CUL4B: variants seen among roughly 807,000 people sequenced by gnomAD.
CUL4B encodes cullin-4B.
A neutral mutation model predicts 69.2 loss-of-function variants in CUL4B; 1 was observed. The ratio of observed to expected loss-of-function variants is 0.01; its 90% CI spans 0.01 to 0.07. The LOEUF (loss-of-function observed/expected upper bound fraction) is 0.07. Among genes scored for constraint, CUL4B ranks in the 10% least tolerant of loss-of-function variants. The pLI is 1.00. For synonymous variants in CUL4B, 237 were observed against 223.2 expected (o/e 1.06, Z -0.55); for missense variants, 328 against 638.8 (o/e 0.51, Z 5.24).
intron 2 of CUL4B, among the ~76,000 whole-genome samples, chrX:120,551,011 G>C (rs1201697119): frequency 2.7e-5 from 3 of 111,402 alleles, no homozygotes; most frequent in Non-Finnish European, 3.8e-5. Context: ...GGAGGATGGG[G>C]TGGAAGTGAG....
At chrX:120,561,565 G>A (rs1450324500), upstream of CUL4B, 1 of 297,137 alleles carries the variant, frequency 3.4e-6, no homozygotes, top group Non-Finnish European at 5.8e-6. Flanking sequence ...GGTGGGGGGG[G>A]TGGCGGGAGG....
At chrX:120,555,891 G>A (rs983248363) in intron 2 of CUL4B, among the ~76,000 whole-genome samples, 1 of 98,544 alleles carries the variant, frequency 1.0e-5, no homozygotes, top group Non-Finnish European at 2.0e-5. Context: ...GCAGTGAGCC[G>A]AGATCACGCC....
chrX:120,567,615 G>A (rs189572526), downstream of CUL4B, among the ~76,000 whole-genome samples: 247 of 107,852 alleles, frequency 2.3e-3, 1 homozygote, highest in Middle Eastern at 0.019. Flanking sequence ...GCTCATGCCT[G>A]TGCCTGTAAT....
intron 15 of CUL4B, 150 bp from the exon 16 acceptor site, chrX:120,536,093 TC>T: frequency 2.1e-6 from 1 of 473,319 alleles, no homozygotes; most frequent in Non-Finnish European, 3.8e-6. Flanking sequence ...AACAATGATC[TC>T]CCAACCACCA....
upstream of CUL4B, chrX:120,561,588 C>T (rs1458072750): frequency 3.0e-5 from 9 of 303,722 alleles, no homozygotes; most frequent in Non-Finnish European, 5.1e-5. Context: ...CGGGAAGGAG[C>T]CTCGGGGGAG....
At chrX:120,563,174 G>C (rs1222555538), upstream of CUL4B, among the ~76,000 whole-genome samples, 1 of 112,013 alleles carries the variant, frequency 8.9e-6, no homozygotes, top group East Asian at 2.8e-4. Context: ...GGAGATGGGG[G>C]CCTGAAAGGA....
downstream of CUL4B, among the ~76,000 whole-genome samples, chrX:120,570,909 T>C (rs1257429866): frequency 9.1e-6 from 1 of 110,045 alleles, no homozygotes; most frequent in East Asian, 2.8e-4. Context: ...AGAAGGAAAA[T>C]AGCTGGGTGA....
chrX:120,534,457 G>A (rs1391643802), intron 17 of CUL4B, 24 bp downstream of exon 17: 3 of 1,013,101 alleles, frequency 3.0e-6, no homozygotes, highest in Non-Finnish European at 4.2e-6. Context: ...TGCACATAGT[G>A]AACAATTAAT....
intron 2 of CUL4B, among the ~76,000 whole-genome samples, chrX:120,555,718 G>A (rs945365959): frequency 9.1e-6 from 1 of 109,647 alleles, no homozygotes; most frequent in African/African-American, 3.3e-5. Flanking sequence ...GAGGCGGGTG[G>A]ATCACTTGAG....
chrX:120,528,168 A>G (rs1385441932), intron 19 of CUL4B, among the ~76,000 whole-genome samples: 1 of 110,909 alleles, frequency 9.0e-6, no homozygotes, highest in Admixed American at 9.6e-5. Flanking sequence ...GCACTTTGGG[A>G]GGCTAAGATG....
At chrX:120,537,897 A>ATTTTAT (rs765416325) in intron 14 of CUL4B, among the ~76,000 whole-genome samples, 135 of 111,998 alleles carry the variant, frequency 1.2e-3, no homozygotes, top group African/African-American at 4.2e-3. Flanking sequence ...AGTTCAATAC[A>ATTTTAT]TTTTATTTTT....
chrX:120,546,365 A>G (rs991847424), intron 4 of CUL4B, among the ~76,000 whole-genome samples, 182 bp downstream of exon 4: 1 of 110,320 alleles, frequency 9.1e-6, no homozygotes, highest in African/African-American at 3.3e-5. Flanking sequence ...CTGTACCCCA[A>G]TAACTTACGG....
At position 120,549,418 on chromosome X, in the gene CUL4B, G is replaced by A. The variant is rs192802101; in HGVS notation, c.673-2179C>T. 4.7e-3 allele frequency among the ~76,000 whole-genome samples: 527 copies of A among 111,388 alleles called. 2 individuals are homozygous for A. The highest frequency in any genetic ancestry group is 0.016 in the African/African-American group (494 of 30,653). On this transcript the variant is annotated intron_variant, in intron 2 of 19. Coordinates refer to ENST00000371322, the MANE Select transcript of CUL4B (RefSeq NM_001079872.2). ...AATACAAAAATTAGCCGGGTGTGGT[G>A]GTGTGCACCAGCTACTCGGGAGGCT...
At chrX:120,542,575 G>C (rs963916797) in intron 9 of CUL4B, among the ~76,000 whole-genome samples, 1 of 111,413 alleles carries the variant, frequency 9.0e-6, no homozygotes, top group African/African-American at 3.3e-5. Flanking sequence ...CTTACTGAAA[G>C]CTTACATATT....
chrX:120,561,442 G>T (rs367762561), upstream of CUL4B: 210 of 483,656 alleles, frequency 4.3e-4, 1 homozygote, highest in South Asian at 1.4e-3. Context: ...GGACTTGAGT[G>T]GGGGGGGGAA....
chrX:120,560,860 G>C lies in CUL4B; in HGVS notation c.-222C>G. ...CACCAGGAGTGAGCAGAACGAGGGG[G>C]GAGAGCGAATGAGGAGGCAGACAGG... On this transcript the variant is annotated 5_prime_UTR_variant, in exon 1 of 20. Coordinates refer to ENST00000371322, the MANE Select transcript of CUL4B (RefSeq NM_001079872.2). 1.3e-6 allele frequency: 1 copy of C among 753,450 alleles called. No homozygotes were observed. The highest frequency in any genetic ancestry group is 1.6e-6 in the Non-Finnish European group (1 of 639,021). 62.1% of individuals were successfully genotyped at this position (753,450 alleles called of 1,213,427 possible).
In CUL4B at chrX:120,546,320, C is replaced by T. The variant is rs768040744; in HGVS notation, c.846+227G>A. ...GGGTGCACCAAAATCTTACAAATCA[C>T]CACTAAGGAACTTACTCATGTAACC... is the stretch of plus-strand genomic sequence containing the variant. On this transcript the variant is annotated intron_variant, in intron 4 of 19. Coordinates refer to ENST00000371322, the MANE Select transcript of CUL4B (RefSeq NM_001079872.2). Among the ~76,000 whole-genome samples the T allele has an allele frequency of 2.1e-3, 235 of 109,820 alleles. 1 individual carries two copies. The highest frequency in any genetic ancestry group is 7.3e-3 in the African/African-American group (221 of 30,115).
chrX:120,574,585 C>G, exon 2 of CUL4B: 1 of 1,207,798 alleles, frequency 8.3e-7, no homozygotes, highest in Non-Finnish European at 1.1e-6. Flanking sequence ...CATCATCATT[C>G]CCATCTCCTG....
intron 11 of CUL4B, among the ~76,000 whole-genome samples, chrX:120,540,018 T>C (rs1424541344): frequency 8.9e-6 from 1 of 111,887 alleles, no homozygotes; most frequent in Non-Finnish European, 1.9e-5. Context: ...CCCTGGACTT[T>C]TTTCTTTTTC....
Sources: gnomAD v4.1 joint callset for allele counts (sites outside exome capture counted in the v4.1 genomes callset) on GRCh38, gnomAD v4.1.1 for gene constraint, MANE v1.5 for transcripts, NCBI Gene and HGNC (gene_info 2026-07-23, HGNC 2026-07-21) for gene names.